Variants in RBMS1 observed in about 807,000 individuals in gnomAD.
RBMS1 encodes RNA-binding motif, single-stranded-interacting protein 1.
Under a neutral mutation model 62.3 loss-of-function variants are expected in RBMS1, and 17 were observed. The observed-to-expected ratio is 0.27, with a 90% CI of 0.19 to 0.41. The LOEUF is 0.41. Among genes scored for constraint, RBMS1 ranks in the 10% least tolerant of loss-of-function variants. The pLI, the probability that RBMS1 is intolerant of heterozygous loss-of-function variation, is 1.00. For missense variants in RBMS1, 334 were observed against 504.5 expected, an observed-to-expected ratio of 0.66 and a Z score of 3.24; for synonymous variants, 172 against 170.0, an observed-to-expected ratio of 1.01 and a Z score of -0.09.
Position 160,493,371 on chromosome 2 carries a change from G to A in RBMS1, c.-8C>T, listed in dbSNP as rs770886986. ...TTTCCACACTTTGCCCATGAAGCTG[G>A]AAGGGAGCCTGCCGTGCAGGGTCGC... On this transcript the variant is annotated 5_prime_UTR_variant, in exon 1 of 14. Coordinates refer to ENST00000348849, the MANE Select transcript of RBMS1 (RefSeq NM_016836.4). The A allele has an allele frequency of 1.9e-6, 3 of 1,613,070 alleles. No homozygotes were observed. In the African/African-American group the frequency reaches 4.0e-5, roughly 22 times the overall value.
chr2:160,303,238 G>C lies in RBMS1; in HGVS notation c.560+92C>G, dbSNP rs920829295. 3.0e-6 allele frequency: 4 copies of C among 1,346,668 alleles called. No individual in the cohort carries two copies. In the African/African-American group the frequency reaches 6.0e-5, roughly 20 times the overall value. 83.4% of individuals were successfully genotyped at this position (1,346,668 alleles called of 1,614,324 possible). On this transcript the variant is annotated intron_variant, in intron 5 of 13. Coordinates refer to ENST00000348849, the MANE Select transcript of RBMS1 (RefSeq NM_016836.4). ...TGCAACTGCTCCCATAACCCTAGCT[G>C]AAACTGTCTCTTCTTAGTCATTTTT...
At chr2:160,392,875 C>A (rs910060018) in intron 1 of RBMS1, among the ~76,000 whole-genome samples, 1 of 151,494 alleles carries the variant, frequency 6.6e-6, no homozygotes, top group Non-Finnish European at 1.5e-5. Context: ...CCAGCCCGGG[C>A]AACAGAGCAA....
chr2:160,364,663 C>G (rs550956389), intron 2 of RBMS1, among the ~76,000 whole-genome samples: 1 of 152,342 alleles, frequency 6.6e-6, no homozygotes, highest in African/African-American at 2.4e-5. Context: ...ACTTCAAACA[C>G]AGTTTTTAAA....
At chr2:160,298,235 A>G (rs773292740) in intron 6 of RBMS1, among the ~76,000 whole-genome samples, 1 of 152,066 alleles carries the variant, frequency 6.6e-6, no homozygotes, top group Non-Finnish European at 1.5e-5. Flanking sequence ...CTAGCTTGGG[A>G]GTCTGGGTAG....
At chr2:160,422,986 T>G (rs1364308295) in intron 1 of RBMS1, among the ~76,000 whole-genome samples, 1 of 152,216 alleles carries the variant, frequency 6.6e-6, no homozygotes, top group African/African-American at 2.4e-5. Context: ...GATCATTCAT[T>G]ATTTACATGA....
At chr2:160,372,586 T>C (rs932297738) in intron 1 of RBMS1, among the ~76,000 whole-genome samples, 7 of 152,242 alleles carry the variant, frequency 4.6e-5, no homozygotes, top group Non-Finnish European at 1.0e-4. Flanking sequence ...CCTCTCTGTA[T>C]GCTTTCAAGA....
chr2:160,343,939 A>G (rs1692033010), intron 2 of RBMS1, among the ~76,000 whole-genome samples: 1 of 152,158 alleles, frequency 6.6e-6, no homozygotes, highest in African/African-American at 2.4e-5. Context: ...GGAATCGCAA[A>G]TATGTTTTAA....
At chr2:160,306,308 AT>A in intron 4 of RBMS1, among the ~76,000 whole-genome samples, 1 of 152,334 alleles carries the variant, frequency 6.6e-6, no homozygotes, top group East Asian at 1.9e-4. Context: ...ATTATTAAAA[AT>A]ATTACACATG....
intron 6 of RBMS1, among the ~76,000 whole-genome samples, chr2:160,292,101 A>T (rs767273240): frequency 6.6e-6 from 1 of 151,952 alleles, no homozygotes; most frequent in Non-Finnish European, 1.5e-5. Flanking sequence ...TGTGGATCTT[A>T]ATCTTTTTTA....
intron 1 of RBMS1, among the ~76,000 whole-genome samples, chr2:160,401,305 G>C (rs1695413474): frequency 6.6e-6 from 1 of 152,132 alleles, no homozygotes; most frequent in African/African-American, 2.4e-5. Flanking sequence ...ATGTATTAGG[G>C]TACTGTTCTG....
chr2:160,286,326 T>C (rs1688392004), intron 7 of RBMS1, among the ~76,000 whole-genome samples: 1 of 132,152 alleles, frequency 7.6e-6, no homozygotes, highest in South Asian at 2.3e-4. Flanking sequence ...TTTTATTTTG[T>C]TTTTTTTTTT....
intron 1 of RBMS1, among the ~76,000 whole-genome samples, chr2:160,406,915 T>G (rs1695742114): frequency 6.6e-6 from 1 of 152,186 alleles, no homozygotes; most frequent in Non-Finnish European, 1.5e-5. Flanking sequence ...TCACAGGATT[T>G]CCCTGTGCTA....
At chr2:160,324,062 A>T (rs1372280747) in intron 2 of RBMS1, among the ~76,000 whole-genome samples, 1 of 152,228 alleles carries the variant, frequency 6.6e-6, no homozygotes, top group Non-Finnish European at 1.5e-5. Flanking sequence ...TTACTCCTAA[A>T]TTCTACCTTT....
At chr2:160,331,412 T>A (rs1573875185) in intron 2 of RBMS1, among the ~76,000 whole-genome samples, 1 of 152,202 alleles carries the variant, frequency 6.6e-6, no homozygotes, top group South Asian at 2.1e-4. Context: ...CTCTGCACTC[T>A]GCCCATGGCA....
intron 2 of RBMS1, among the ~76,000 whole-genome samples, chr2:160,323,773 G>A (rs1314294525): frequency 6.6e-6 from 1 of 152,108 alleles, no homozygotes; most frequent in Non-Finnish European, 1.5e-5. Context: ...AAAAGATGAA[G>A]AGTAATTAAG....
chr2:160,435,673 G>A (rs1303661435), intron 1 of RBMS1, among the ~76,000 whole-genome samples: 1 of 152,142 alleles, frequency 6.6e-6, no homozygotes, highest in Non-Finnish European at 1.5e-5. Flanking sequence ...CTCTGGCTAT[G>A]AGAAAAGAAA....
chr2:160,303,125 T>C (rs1296682680), intron 5 of RBMS1, among the ~76,000 whole-genome samples: 1 of 152,202 alleles, frequency 6.6e-6, no homozygotes, highest in Non-Finnish European at 1.5e-5. Flanking sequence ...CCCAAATATT[T>C]AGTGTGCTCA....
intron 2 of RBMS1, among the ~76,000 whole-genome samples, chr2:160,362,672 T>C (rs886426083): frequency 1.3e-5 from 2 of 152,158 alleles, no homozygotes; most frequent in African/African-American, 4.8e-5. Context: ...TGAAATATAG[T>C]GAAAATTACC....
intron 1 of RBMS1, among the ~76,000 whole-genome samples, chr2:160,400,955 A>C (rs1695399687): frequency 6.6e-6 from 1 of 152,184 alleles, no homozygotes; most frequent in Admixed American, 6.5e-5. Flanking sequence ...CAATTTTGAG[A>C]CATTTAAAAA....
Sources: allele counts gnomAD v4.1 joint callset (sites outside exome capture counted in the v4.1 genomes callset), GRCh38; gene constraint gnomAD v4.1.1; transcripts MANE v1.5; gene names NCBI Gene and HGNC (gene_info 2026-07-23, HGNC 2026-07-21).